Variants in RAB1A observed in about 807,000 individuals in gnomAD.
The protein encoded by RAB1A is ras-related protein Rab-1A.
A neutral mutation model predicts 26.0 loss-of-function variants in RAB1A; 2 were observed. That is an observed-to-expected ratio of 0.08 (90% CI 0.03 to 0.24). RAB1A has a LOEUF of 0.24. Among genes scored for constraint, RAB1A ranks in the 10% least tolerant of loss-of-function variants. RAB1A has a pLI of 1.00. For synonymous variants in RAB1A, 84 were observed against 84.9 expected (o/e 0.99, Z 0.06); for missense variants, 100 against 247.0 (o/e 0.40, Z 3.99).
At chr2:65,110,692 G>C (rs549902192) in intron 1 of RAB1A, among the ~76,000 whole-genome samples, 1 of 151,946 alleles carries the variant, frequency 6.6e-6, no homozygotes, top group Non-Finnish European at 1.5e-5. Context: ...CCACCTACTT[G>C]TAAGGCTGAG....
At chr2:65,101,797 T>A (rs1332024143) in intron 2 of RAB1A, among the ~76,000 whole-genome samples, 1 of 141,752 alleles carries the variant, frequency 7.1e-6, no homozygotes, top group East Asian at 2.2e-4. Flanking sequence ...TTGCCCAGGC[T>A]GGAGTGCAAT....
rs1486649160 is a variant in RAB1A, at chr2:65,129,259, C to A, written c.23+634G>T. ...GGTTTTTATAGGAGGGCAATGGACC[C>A]GGCGAGCTCTTAAACAACTCCTCCA... On this transcript the variant is annotated intron_variant, in intron 1 of 5. Transcript: ENST00000409784. Among the ~76,000 whole-genome samples, 4 of 151,208 alleles carry A rather than the reference C, an allele frequency of 2.6e-5. No individual in the cohort carries two copies. The East Asian group carries it at 7.7e-4, about 29-fold the overall frequency.
chr2:65,127,529 C>T (rs1365795531), intron 1 of RAB1A, among the ~76,000 whole-genome samples: 2 of 152,090 alleles, frequency 1.3e-5, no homozygotes, highest in African/African-American at 4.8e-5. Flanking sequence ...GAGTTTGAGA[C>T]CAGCCTGACC....
chr2:65,098,144 G>GT (rs1178218422), intron 2 of RAB1A, 78 bp from the exon 3 acceptor site: 13 of 782,630 alleles, frequency 1.7e-5, no homozygotes, highest in Non-Finnish European at 2.5e-5. Context: ...AAAAAAAACT[G>GT]TTGTTCAAGA....
chr2:65,088,007 G>A lies in RAB1A; in HGVS notation c.*486C>T, dbSNP rs1040332039. 6.5e-6 allele frequency: 1 copy of A among 153,618 alleles called. No individual in the cohort carries two copies. Among genetic ancestry groups the A allele is most frequent in the African/African-American group, 2.4e-5 (1 of 41,462 alleles). 9.5% of individuals were successfully genotyped at this position (153,618 alleles called of 1,614,324 possible). A position where few individuals can be genotyped will look rare whatever the true frequency, so the allele number is the denominator to read the frequency against. On this transcript the variant is annotated 3_prime_UTR_variant, in exon 6 of 6. Transcript: ENST00000409784. ...ATGAAGAAACTATTAATCAGATAGT[G>A]TAATCTTTCCATTTATAACTCTACA... is the stretch of plus-strand genomic sequence containing the variant.
At chr2:65,105,977 G>A (rs2103851342) in intron 1 of RAB1A, among the ~76,000 whole-genome samples, 1 of 152,188 alleles carries the variant, frequency 6.6e-6, no homozygotes, top group East Asian at 1.9e-4. Flanking sequence ...GGCCAGGATG[G>A]TCTCGATCTC....
At chr2:65,114,265 C>T (rs1369301797) in intron 1 of RAB1A, 4 of 268,788 alleles carry the variant, frequency 1.5e-5, no homozygotes, top group Non-Finnish European at 3.1e-5. Flanking sequence ...TTTCAACATT[C>T]CACCCTTTGG....
chr2:65,103,303 A>AAAAAAAAAAAAAAAAAAAAC (rs1226450419), intron 2 of RAB1A, among the ~76,000 whole-genome samples: 1 of 150,060 alleles, frequency 6.7e-6, no homozygotes, highest in Non-Finnish European at 1.5e-5. Context: ...CTGTCTCAAA[A>AAAAAAAAAAAAAAAAAAAAC]AAAAAAAAAA....
intron 1 of RAB1A, among the ~76,000 whole-genome samples, chr2:65,124,384 C>G (rs1034170724): frequency 2.0e-5 from 3 of 152,170 alleles, no homozygotes; most frequent in Admixed American, 2.0e-4. Flanking sequence ...CCAGCCTGCA[C>G]AACATAGGAG....
intron 2 of RAB1A, among the ~76,000 whole-genome samples, chr2:65,101,258 C>T (rs1225535376): frequency 1.3e-5 from 2 of 152,150 alleles, no homozygotes; most frequent in East Asian, 1.9e-4. Context: ...AGTTATCTCT[C>T]TCTGCATAAC....
chr2:65,101,215 T>C (rs538516379), intron 2 of RAB1A, among the ~76,000 whole-genome samples: 14 of 152,046 alleles, frequency 9.2e-5, no homozygotes, highest in African/African-American at 3.4e-4. Flanking sequence ...CTCCCATGCC[T>C]GAGCCGTTAC....
intron 1 of RAB1A, among the ~76,000 whole-genome samples, chr2:65,121,829 G>T (rs1051198100): frequency 1.3e-5 from 2 of 152,100 alleles, no homozygotes; most frequent in African/African-American, 2.4e-5. Context: ...ATTCTCAAAG[G>T]AAAATTCCAA....
At chr2:65,095,911 T>C (rs1350706684) in intron 3 of RAB1A, among the ~76,000 whole-genome samples, 1 of 152,000 alleles carries the variant, frequency 6.6e-6, no homozygotes, top group Non-Finnish European at 1.5e-5. Context: ...CCCAGCACTT[T>C]GGGAAGCCGA....
chr2:65,089,209 G>A (rs1669109495), intron 4 of RAB1A, 139 bp from the exon 5 acceptor site: 2 of 829,894 alleles, frequency 2.4e-6, no homozygotes, highest in Non-Finnish European at 3.6e-6. Flanking sequence ...CACTGCTAAG[G>A]AGTGAAGAGA....
intron 4 of RAB1A, among the ~76,000 whole-genome samples, 159 bp downstream of exon 4, chr2:65,090,824 T>C (rs1669156756): frequency 6.6e-6 from 1 of 152,252 alleles, no homozygotes; most frequent in Non-Finnish European, 1.5e-5. Context: ...AAAACAAATG[T>C]CTTTTAAGTG....
At position 65,088,502 on chromosome 2, in the gene RAB1A, A is replaced by T. The variant is rs757243090; in HGVS notation, c.609T>A (p.Gly203=). The change falls in exon 6 of 6, where the codon GGT becomes GGA. Residue 203 remains glycine, a synonymous_variant. Transcript: ENST00000409784. ...QSTPVKQSGG[G]CC is the part of the protein sequence containing the mutation. Reference sequence around the variant, plus strand: ...AGGATGGAGGCAAATTTTAGCAGCAACCTCCACCTGACTGCTTGACTGGAG... The same window carrying T: ...AGGATGGAGGCAAATTTTAGCAGCATCCTCCACCTGACTGCTTGACTGGAG... The T allele has an allele frequency of 6.2e-7, 1 of 1,603,996 alleles. No homozygotes were observed. Among genetic ancestry groups the T allele is most frequent in the African/African-American group, 1.3e-5 (1 of 74,662 alleles).
At chr2:65,116,808 G>C (rs187428996) in intron 1 of RAB1A, among the ~76,000 whole-genome samples, 1 of 152,342 alleles carries the variant, frequency 6.6e-6, no homozygotes, top group East Asian at 1.9e-4. Flanking sequence ...AACTCCCAAA[G>C]CCTAGCAATG....
chr2:65,111,216 G>C (rs1480408289), intron 1 of RAB1A, among the ~76,000 whole-genome samples: 2 of 152,090 alleles, frequency 1.3e-5, no homozygotes, highest in Non-Finnish European at 2.9e-5. Context: ...CAAAAAATTA[G>C]CCAGGCGTGG....
At chr2:65,096,994 G>C (rs1336581794) in intron 3 of RAB1A, among the ~76,000 whole-genome samples, 1 of 151,654 alleles carries the variant, frequency 6.6e-6, no homozygotes, top group African/African-American at 2.4e-5. Context: ...AAGGAAACTG[G>C]GTCTCAGGGT....
Sources: gnomAD v4.1 joint callset for allele counts (sites outside exome capture counted in the v4.1 genomes callset) on GRCh38, gnomAD v4.1.1 for gene constraint, MANE v1.5 for transcripts, NCBI Gene and HGNC (gene_info 2026-07-23, HGNC 2026-07-21) for gene names.